Variants in ADGRA3 observed in about 807,000 individuals in gnomAD.
ADGRA3 encodes adhesion G protein-coupled receptor A3, also known as G-protein coupled receptor 125.
A neutral mutation model predicts 119.8 loss-of-function variants in ADGRA3; 56 were observed. The ratio of observed to expected loss-of-function variants is 0.47; its 90% CI spans 0.38 to 0.58. The LOEUF (loss-of-function observed/expected upper bound fraction) is 0.58. Ranked by LOEUF, ADGRA3 falls within the 20% of genes least tolerant of loss-of-function variation. The probability of loss-of-function intolerance (pLI) is 0.00; values close to 1 mark genes in which losing one functional copy is unlikely to be tolerated. For synonymous variants in ADGRA3, 607 were observed against 623.8 expected (o/e 0.97, Z 0.40); for missense variants, 1,516 against 1,649.0 (o/e 0.92, Z 1.40).
intron 14 of ADGRA3, among the ~76,000 whole-genome samples, chr4:22,405,771 T>C (rs2109012993): frequency 6.6e-6 from 1 of 152,300 alleles, no homozygotes; most frequent in African/African-American, 2.4e-5. Context: ...TATATATTTA[T>C]GGCATACATG....
chr4:22,401,760 A>G (rs565741468), intron 15 of ADGRA3, among the ~76,000 whole-genome samples: 6 of 152,210 alleles, frequency 3.9e-5, no homozygotes, highest in Middle Eastern at 6.8e-3. Context: ...GTTTCTTAAC[A>G]TTTAACTTTA....
chr4:22,414,501 A>G, intron 12 of ADGRA3: 1 of 606,760 alleles, frequency 1.6e-6, no homozygotes, highest in South Asian at 2.1e-5. Flanking sequence ...AAAGAAGTGA[A>G]CAATTAACCA....
At chr4:22,495,750 T>C (rs1400216746) in intron 1 of ADGRA3, among the ~76,000 whole-genome samples, 1 of 151,016 alleles carries the variant, frequency 6.6e-6, no homozygotes, top group African/African-American at 2.4e-5. Context: ...CTACTAAAAA[T>C]ACAAAAAAAT....
chr4:22,421,358 A>C (rs1238666354), intron 11 of ADGRA3, among the ~76,000 whole-genome samples: 1 of 152,158 alleles, frequency 6.6e-6, no homozygotes, highest in Non-Finnish European at 1.5e-5. Context: ...AGGTCTAAGA[A>C]GTCAATTAAA....
intron 1 of ADGRA3, among the ~76,000 whole-genome samples, chr4:22,499,244 T>C (rs914552022): frequency 6.6e-5 from 10 of 152,204 alleles, no homozygotes; most frequent in Non-Finnish European, 1.3e-4. Context: ...CTTTGAAAAA[T>C]ACACGTTAGC....
chr4:22,418,572 A>AAGGGAGAGGTGGGAAGTACTGTGG, intron 12 of ADGRA3, among the ~76,000 whole-genome samples: 1 of 152,218 alleles, frequency 6.6e-6, no homozygotes, highest in South Asian at 2.1e-4. Flanking sequence ...TGCTGGATAA[A>AAGGGAGAGGTGGGAAGTACTGTGG]AGGGAGAGGT....
intron 2 of ADGRA3, among the ~76,000 whole-genome samples, chr4:22,464,053 C>T (rs1486982162): frequency 6.6e-6 from 1 of 152,142 alleles, no homozygotes; most frequent in East Asian, 1.9e-4. Context: ...GACTGCAATT[C>T]TACCACCTCC....
At position 22,403,633 on chromosome 4, in the gene ADGRA3, C is replaced by T. The variant is rs535874737; in HGVS notation, c.2233-834G>A. ...GTGTGCGCCTGTAGTTCCAGCTACT[C>T]GGTAGGCTGAGGTTGGGAGGATCAC... On this transcript the variant is annotated intron_variant, in intron 14 of 18. Transcript: ENST00000334304. Among the ~76,000 whole-genome samples, 193 of 151,944 alleles carry T rather than the reference C, an allele frequency of 1.3e-3. 1 individual carries two copies. The highest frequency in any genetic ancestry group is 4.4e-3 in the African/African-American group (181 of 41,404).
At chr4:22,407,640 T>C (rs1714995830) in intron 14 of ADGRA3, among the ~76,000 whole-genome samples, 1 of 152,008 alleles carries the variant, frequency 6.6e-6, no homozygotes. Flanking sequence ...AGCCAAGAAA[T>C]GAAAAATAAA....
chr4:22,394,355 G>A (rs1261432541), intron 16 of ADGRA3: 1 of 152,102 alleles, frequency 6.6e-6, no homozygotes, highest in African/African-American at 2.4e-5. Context: ...CTGGGAGGTG[G>A]GATCAAGTTT....
rs1716659399 is a variant in ADGRA3 at position 22,442,586 on chromosome 4, C to A, written c.920+64G>T. 4 of 1,162,092 alleles carry A rather than the reference C, an allele frequency of 3.4e-6. No homozygotes were observed. The East Asian group carries it at 7.2e-5, about 21-fold the overall frequency. The allele number at this position is 1,162,092 out of a possible 1,614,324, so 72.0% of individuals were successfully genotyped here. A position where few individuals can be genotyped will look rare whatever the true frequency, so the allele number is the denominator to read the frequency against. On this transcript the variant is annotated intron_variant, in intron 7 of 18. Transcript: ENST00000334304. Reference sequence around the variant, plus strand: ...ATTCAAATTCCACTAAACATTACACCTCCAAAAGGATAAATAAAATACACA... The same window carrying A: ...ATTCAAATTCCACTAAACATTACACATCCAAAAGGATAAATAAAATACACA...
chr4:22,455,007 T>C (rs944997761), intron 3 of ADGRA3, 70 bp from the exon 4 acceptor site: 4 of 1,035,362 alleles, frequency 3.9e-6, no homozygotes, highest in Non-Finnish European at 6.1e-6. Flanking sequence ...GCATTCAGTA[T>C]TCAAGAACAG....
chr4:22,399,190 C>T (rs1234640784), intron 16 of ADGRA3, among the ~76,000 whole-genome samples: 1 of 152,178 alleles, frequency 6.6e-6, no homozygotes, highest in Non-Finnish European at 1.5e-5. Context: ...CATTCTCCTG[C>T]TACTTTTTCT....
Position 22,424,313 on chromosome 4 carries a change from A to C in ADGRA3, c.1483T>G (p.Leu495Val), listed in dbSNP as rs765436150. 1.2e-6 allele frequency: 2 copies of C among 1,613,902 alleles called. No homozygotes were observed. Among genetic ancestry groups the C allele is most frequent in the Admixed American group, 3.3e-5 (2 of 60,026 alleles). ...AGCCACAGGACACGTTCATCAGCCA[A>C]CATGATGTTACTTGCAATGTCAACC... ...VMVDIASNIM[L>V]ADERVLWLAQ... Residue 495 changes from leucine (L) to valine (V), a missense_variant, in exon 11 of 19, where the codon TTG becomes GTG. Leu to Val is a conservative substitution (Grantham distance 32, BLOSUM62 1). Transcript: ENST00000334304.
At chr4:22,494,071 G>A (rs75604131) in intron 1 of ADGRA3, among the ~76,000 whole-genome samples, 1 of 151,926 alleles carries the variant, frequency 6.6e-6, no homozygotes, top group African/African-American at 2.4e-5. Context: ...TGGGCGTGGA[G>A]GCGGGTGCCT....
In ADGRA3 at chr4:22,470,934, G is replaced by A. The variant is rs375303586; in HGVS notation, c.329+2838C>T. ...CGGCCCCACCTGACAGGTGAGGCAG[G>A]CAGGGTAGTTATCCACCATCTGCTA... On this transcript the variant is annotated intron_variant, in intron 2 of 18. Coordinates refer to ENST00000334304, the MANE Select transcript of ADGRA3 (RefSeq NM_145290.4). Among the ~76,000 whole-genome samples the A allele has an allele frequency of 2.0e-5, 3 of 152,190 alleles. No homozygotes were observed. In the South Asian group the frequency reaches 6.2e-4, roughly 31 times the overall value.
At chr4:22,454,295 T>C (rs1159001537) in intron 4 of ADGRA3, among the ~76,000 whole-genome samples, 2 of 152,146 alleles carry the variant, frequency 1.3e-5, no homozygotes, top group African/African-American at 4.8e-5. Flanking sequence ...CATTATAACT[T>C]TGAGCTACTA....
At chr4:22,494,031 C>T (rs1718723097) in intron 1 of ADGRA3, among the ~76,000 whole-genome samples, 1 of 151,736 alleles carries the variant, frequency 6.6e-6, no homozygotes, top group Admixed American at 6.6e-5. Context: ...GGTGAAACCC[C>T]GTCTCTACTA....
At chr4:22,476,755 C>T (rs1320665393) in intron 1 of ADGRA3, among the ~76,000 whole-genome samples, 1 of 151,902 alleles carries the variant, frequency 6.6e-6, no homozygotes, top group African/African-American at 2.4e-5. Context: ...CAATCTACGC[C>T]TCCAGGGTTC....
Sources: gnomAD v4.1 joint callset for allele counts (sites outside exome capture counted in the v4.1 genomes callset) on GRCh38, gnomAD v4.1.1 for gene constraint, MANE v1.5 for transcripts, NCBI Gene and HGNC (gene_info 2026-07-23, HGNC 2026-07-21) for gene names.